CDH13: variants seen among roughly 807,000 people sequenced by gnomAD.
CDH13 encodes cadherin-13.
CDH13 carries 24 observed loss-of-function variants against 63.8 expected under a neutral mutation model. The observed-to-expected ratio is 0.38, with a 90% CI of 0.27 to 0.53. The LOEUF is 0.53. CDH13 is among the 20% of genes least tolerant of loss of function. The pLI is 0.85. For missense variants in CDH13, 1,049 were observed against 903.1 expected, an observed-to-expected ratio of 1.16 and a Z score of -2.07; for synonymous variants, 503 against 355.3, an observed-to-expected ratio of 1.42 and a Z score of -4.67.
rs2074376592 is a variant in CDH13 at position 83,505,542 on chromosome 16, T to TGG, written c.960+18887_960+18888insGG. Among the ~76,000 whole-genome samples the TGG allele has an allele frequency of 2.8e-5, 4 of 144,150 alleles. No homozygotes were observed. In the South Asian group the frequency reaches 9.1e-4, roughly 33 times the overall value. The allele number at this position is 144,150 out of a possible 152,430, so 94.6% of individuals were successfully genotyped here. A position where few individuals can be genotyped will look rare whatever the true frequency, so the allele number is the denominator to read the frequency against. On this transcript the variant is annotated intron_variant, in intron 7 of 13. Transcript: ENST00000567109. ...GTTTGTGATTAATCCTTTTTTTTTT[T>TGG]TTTTTTTTTTTTTTTTTGAGAAGGA...
chr16:83,026,959 G>T (rs1314552862), intron 2 of CDH13, among the ~76,000 whole-genome samples: 4 of 152,086 alleles, frequency 2.6e-5, no homozygotes, highest in Non-Finnish European at 5.9e-5. Flanking sequence ...CGGGGTCCAG[G>T]GGCCAAGGGG....
chr16:83,107,562 T>C (rs17279341), intron 3 of CDH13, among the ~76,000 whole-genome samples: 15,143 of 152,108 alleles, frequency 0.1, 878 homozygotes, highest in African/African-American at 0.15. Flanking sequence ...GAGGGTTTCA[T>C]CTGAAAAATA....
At chr16:83,560,360 T>C (rs913865323) in intron 7 of CDH13, among the ~76,000 whole-genome samples, 1 of 152,326 alleles carries the variant, frequency 6.6e-6, no homozygotes, top group Admixed American at 6.5e-5. Context: ...GAGAAAATCC[T>C]GCCATTTGCA....
intron 8 of CDH13, among the ~76,000 whole-genome samples, chr16:83,610,830 G>C (rs1908794097): frequency 1.3e-5 from 2 of 152,068 alleles, no homozygotes; most frequent in Non-Finnish European, 2.9e-5. Context: ...TTCTGTTTGG[G>C]GTATATCTAC....
intron 2 of CDH13, among the ~76,000 whole-genome samples, chr16:83,007,118 C>A (rs188155697): frequency 6.6e-6 from 1 of 152,142 alleles, no homozygotes; most frequent in East Asian, 1.9e-4. Context: ...GACGGGGTTT[C>A]TCCATGTTGG....
intron 3 of CDH13, among the ~76,000 whole-genome samples, chr16:83,038,179 T>G (rs962393919): frequency 5.9e-5 from 9 of 152,218 alleles, no homozygotes; most frequent in African/African-American, 2.2e-4. Context: ...TAATCACAGT[T>G]AAGCCTATTT....
intron 6 of CDH13, among the ~76,000 whole-genome samples, chr16:83,445,926 G>A (rs1047679417): frequency 6.6e-6 from 1 of 152,072 alleles, no homozygotes; most frequent in Non-Finnish European, 1.5e-5. Flanking sequence ...TGTGCCTCTT[G>A]ACTCAAAAAG....
At chr16:82,655,999 G>C (rs1346258335) in intron 1 of CDH13, among the ~76,000 whole-genome samples, 2 of 152,132 alleles carry the variant, frequency 1.3e-5, no homozygotes, top group African/African-American at 2.4e-5. Flanking sequence ...GACAGTGTGA[G>C]AGACAGAAAC....
chr16:83,482,707 C>G (rs763798318), intron 6 of CDH13, among the ~76,000 whole-genome samples: 33 of 152,308 alleles, frequency 2.2e-4, no homozygotes, highest in Non-Finnish European at 4.1e-4. Flanking sequence ...TAGAGGCCGA[C>G]TAGAGGACCA....
chr16:82,722,162 A>C (rs1384292062), intron 1 of CDH13, among the ~76,000 whole-genome samples: 1 of 152,202 alleles, frequency 6.6e-6, no homozygotes, highest in Non-Finnish European at 1.5e-5. Context: ...TTTTCATCAG[A>C]ACCCTCTCAA....
At chr16:83,179,724 T>C (rs1457354109) in intron 4 of CDH13, among the ~76,000 whole-genome samples, 1 of 151,882 alleles carries the variant, frequency 6.6e-6, no homozygotes, top group Non-Finnish European at 1.5e-5. Context: ...AGAACCAGAG[T>C]TTGAATTCGT....
intron 1 of CDH13, among the ~76,000 whole-genome samples, chr16:82,773,066 C>T (rs1440694793): frequency 2.0e-5 from 3 of 152,138 alleles, no homozygotes; most frequent in African/African-American, 4.8e-5. Flanking sequence ...CAAATCTCAT[C>T]GAGGGATGGA....
At chr16:83,296,745 A>G (rs2089608012) in intron 5 of CDH13, among the ~76,000 whole-genome samples, 2 of 152,182 alleles carry the variant, frequency 1.3e-5, no homozygotes, top group African/African-American at 4.8e-5. Flanking sequence ...TACTATTTGA[A>G]TATTTCACAA....
At chr16:83,410,733 A>G (rs1269876190) in intron 6 of CDH13, among the ~76,000 whole-genome samples, 3 of 152,184 alleles carry the variant, frequency 2.0e-5, no homozygotes, top group Non-Finnish European at 2.9e-5. Context: ...TATTATAAAG[A>G]AGGTTCAATT....
chr16:83,339,296 A>C (rs946957589), intron 5 of CDH13, among the ~76,000 whole-genome samples: 2 of 152,154 alleles, frequency 1.3e-5, no homozygotes, highest in African/African-American at 4.8e-5. Flanking sequence ...CAAAATGATA[A>C]ACATGCAACT....
intron 6 of CDH13, among the ~76,000 whole-genome samples, chr16:83,426,225 T>C (rs17287857): frequency 0.046 from 7,020 of 152,250 alleles, 221 homozygotes; most frequent in Non-Finnish European, 0.062. Flanking sequence ...CCCTAATGCA[T>C]TGAGATTCTA....
intron 2 of CDH13, among the ~76,000 whole-genome samples, chr16:82,972,897 A>G (rs998052159): frequency 2.0e-5 from 3 of 152,124 alleles, no homozygotes; most frequent in Non-Finnish European, 4.4e-5. Flanking sequence ...CTCAGGCACA[A>G]CCTGATTTTA....
At chr16:83,010,365 A>G (rs1415931988) in intron 2 of CDH13, among the ~76,000 whole-genome samples, 1 of 152,060 alleles carries the variant, frequency 6.6e-6, no homozygotes, top group South Asian at 2.1e-4. Flanking sequence ...ATTAACTGTA[A>G]GAGAAAGCTT....
chr16:83,191,938 A>G (rs1057092506), intron 4 of CDH13, among the ~76,000 whole-genome samples: 3 of 152,078 alleles, frequency 2.0e-5, no homozygotes, highest in African/African-American at 7.2e-5. Flanking sequence ...CTTCAGTCCA[A>G]TCAAGTTGAG....
Sources: allele counts gnomAD v4.1 joint callset (sites outside exome capture counted in the v4.1 genomes callset), GRCh38; gene constraint gnomAD v4.1.1; transcripts MANE v1.5; gene names NCBI Gene and HGNC (gene_info 2026-07-23, HGNC 2026-07-21).